Variants in SLC17A8 observed in about 807,000 individuals in gnomAD.
SLC17A8 encodes solute carrier family 17 member 8.
In SLC17A8, 31 loss-of-function variants were observed where a neutral mutation model predicts 58.0. The ratio of observed to expected loss-of-function variants is 0.53; its 90% CI spans 0.40 to 0.72. The LOEUF (loss-of-function observed/expected upper bound fraction) is 0.72. SLC17A8 is among the 30% of genes least tolerant of loss of function. The pLI, the probability that SLC17A8 is intolerant of heterozygous loss-of-function variation, is 0.00. For synonymous variants in SLC17A8, 228 were observed against 249.0 expected (o/e 0.92, Z 0.79); for missense variants, 655 against 727.8 (o/e 0.90, Z 1.15).
Position 100,396,346 on chromosome 12 carries a change from C to T in SLC17A8, c.605C>T (p.Ala202Val), listed in dbSNP as rs1367941401. The T allele has an allele frequency of 3.7e-6, 6 of 1,614,022 alleles. No individual in the cohort carries two copies. In the South Asian group the frequency reaches 6.6e-5, roughly 18 times the overall value. ...QGLVEGVTYP[A>V]CHGMWSKWAP... Reference sequence around the variant, plus strand: ...TTCTGCCAGGGTGTGACCTACCCAGCCTGCCATGGGATGTGGAGTAAGTGG... The same window carrying T: ...TTCTGCCAGGGTGTGACCTACCCAGTCTGCCATGGGATGTGGAGTAAGTGG... The change falls in exon 5 of 12, where the codon GCC (alanine) becomes GTC (valine). Residue 202 changes from alanine to valine, a missense_variant. Physicochemically the swap from Ala to Val is moderately conservative, Grantham distance 64. Transcript: ENST00000323346.
chr12:100,368,560 C>T (rs1475135475), intron 1 of SLC17A8, among the ~76,000 whole-genome samples: 1 of 152,116 alleles, frequency 6.6e-6, no homozygotes, highest in Non-Finnish European at 1.5e-5. Flanking sequence ...CTCCCTTATC[C>T]AACTTTATTA....
At position 100,357,506 on chromosome 12, in the gene SLC17A8, G is replaced by T; in HGVS notation, c.101+14G>T. The stretch of plus-strand genomic sequence containing the variant: ...AATTTTACAAAGGTAAAGTTTGAAT[G>T]CGAACTTTAGTTCCTTTCTGAGTAG... On this transcript the variant is annotated intron_variant, in intron 1 of 11. Transcript: ENST00000323346. The T allele has an allele frequency of 6.6e-7, 1 of 1,524,416 alleles. No individual in the cohort carries two copies. Among genetic ancestry groups the T allele is most frequent in the Non-Finnish European group, 9.1e-7 (1 of 1,098,138 alleles). 94.4% of individuals were successfully genotyped at this position (1,524,416 alleles called of 1,614,324 possible).
At chr12:100,418,352 G>A (rs998290598) in intron 11 of SLC17A8, among the ~76,000 whole-genome samples, 196 bp downstream of exon 11, 1 of 151,906 alleles carries the variant, frequency 6.6e-6, no homozygotes, top group Admixed American at 6.6e-5. Flanking sequence ...AAGGCTAGTT[G>A]TTGTTTTGTT....
intron 1 of SLC17A8, among the ~76,000 whole-genome samples, chr12:100,368,590 A>G (rs949102215): frequency 4.6e-5 from 7 of 152,174 alleles, no homozygotes; most frequent in African/African-American, 1.4e-4. Context: ...CTCCAAATCT[A>G]GTACATTCAG....
At chr12:100,394,360 T>C (rs548777170) in intron 4 of SLC17A8, among the ~76,000 whole-genome samples, 162 of 152,074 alleles carry the variant, frequency 1.1e-3, no homozygotes, top group African/African-American at 3.8e-3. Flanking sequence ...AATACCATCT[T>C]TGAAATCATG....
At position 100,412,839 on chromosome 12, in the gene SLC17A8, T is replaced by C. The variant is rs544187405; in HGVS notation, c.1256T>C (p.Phe419Ser). ...FSHTKGVAIS[F>S]LVLAVGFSGF... ...CATACCAAAGGGGTGGCTATCTCCT[T>C]TCTGGTACTTGCTGTAGGATTTAGT... The change falls in exon 10 of 12, where the codon TTT (phenylalanine) becomes TCT (serine). Residue 419 changes from phenylalanine to serine, a missense_variant. By Grantham distance (155) the Phe-to-Ser change is radical. Transcript: ENST00000323346. 2 of 1,614,178 alleles carry C rather than the reference T, an allele frequency of 1.2e-6. No homozygotes were observed. Among genetic ancestry groups the C allele is most frequent in the African/African-American group, 2.7e-5 (2 of 75,044 alleles).
At chr12:100,386,791 C>T (rs1005918790) in intron 2 of SLC17A8, among the ~76,000 whole-genome samples, 3 of 150,564 alleles carry the variant, frequency 2.0e-5, no homozygotes, top group South Asian at 4.2e-4. Context: ...CAGGTTCAAG[C>T]GATTCTCCTG....
chr12:100,416,924 C>G (rs1345575714), intron 10 of SLC17A8, among the ~76,000 whole-genome samples: 1 of 152,200 alleles, frequency 6.6e-6, no homozygotes, highest in Non-Finnish European at 1.5e-5. Flanking sequence ...GAACTGAGGT[C>G]TGTCTGATTT....
Position 100,420,366 on chromosome 12 carries a change from T to C in SLC17A8, c.*207T>C, listed in dbSNP as rs563968278. 103 of 547,974 alleles carry C rather than the reference T, an allele frequency of 1.9e-4. No homozygotes were observed. The highest frequency in any genetic ancestry group is 1.5e-3 in the African/African-American group (79 of 53,420). The allele number at this position is 547,974 out of a possible 1,614,324, so 33.9% of individuals were successfully genotyped here. On this transcript the variant is annotated 3_prime_UTR_variant, in exon 12 of 12. Coordinates refer to ENST00000323346, the MANE Select transcript of SLC17A8 (RefSeq NM_139319.3). Reference sequence around the variant, plus strand: ...AGTTGATAACATAGTTGATAATACATATTTTTTGAATTGACAGTTGACCCT... The same window carrying C: ...AGTTGATAACATAGTTGATAATACACATTTTTTGAATTGACAGTTGACCCT...
At chr12:100,401,276 G>A (rs532463824) in intron 5 of SLC17A8, among the ~76,000 whole-genome samples, 1 of 151,432 alleles carries the variant, frequency 6.6e-6, no homozygotes, top group Non-Finnish European at 1.5e-5. Flanking sequence ...TAGGATTACA[G>A]GTGTGAGCCA....
intron 1 of SLC17A8, among the ~76,000 whole-genome samples, chr12:100,363,792 G>A (rs1450131564): frequency 6.6e-6 from 1 of 152,070 alleles, no homozygotes; most frequent in East Asian, 1.9e-4. Context: ...TGTAATCCCA[G>A]CACTTTGGGA....
chr12:100,380,237 A>G (rs1305353966), intron 1 of SLC17A8, among the ~76,000 whole-genome samples: 11 of 149,064 alleles, frequency 7.4e-5, no homozygotes, highest in Non-Finnish European at 1.6e-4. Context: ...AGAAAGGTTA[A>G]GGTCAACTGT....
At chr12:100,388,659 C>T (rs776065224) in intron 2 of SLC17A8, among the ~76,000 whole-genome samples, 27 of 152,172 alleles carry the variant, frequency 1.8e-4, no homozygotes, top group Admixed American at 2.0e-4. Context: ...AAGCACAGGA[C>T]GAACGTTGAA....
chr12:100,387,178 C>T (rs564250516), intron 2 of SLC17A8, among the ~76,000 whole-genome samples: 1 of 152,298 alleles, frequency 6.6e-6, no homozygotes, highest in East Asian at 1.9e-4. Context: ...TTGGAGGAAC[C>T]TCTGTACTGT....
intron 1 of SLC17A8, among the ~76,000 whole-genome samples, chr12:100,375,044 C>G (rs543259049): frequency 6.6e-6 from 1 of 151,640 alleles, no homozygotes; most frequent in South Asian, 2.1e-4. Flanking sequence ...TCTGGAAAGT[C>G]TCGGGATGTC....
chr12:100,361,466 A>G (rs894886894), intron 1 of SLC17A8, among the ~76,000 whole-genome samples: 30 of 152,000 alleles, frequency 2.0e-4, no homozygotes, highest in African/African-American at 6.3e-4. Context: ...AAAGATCCCC[A>G]CTTTCCTGGC....
intron 2 of SLC17A8, among the ~76,000 whole-genome samples, chr12:100,384,564 TAAAC>T (rs372874726): frequency 7.2e-5 from 11 of 152,086 alleles, no homozygotes; most frequent in Admixed American, 1.3e-4. Flanking sequence ...AGACTCCATC[TAAAC>T]AAACAAACAA....
At chr12:100,394,399 T>C (rs954442043) in intron 4 of SLC17A8, among the ~76,000 whole-genome samples, 1 of 58,942 alleles carries the variant, frequency 1.7e-5, no homozygotes, top group Admixed American at 1.5e-4. Flanking sequence ...CATCTTTTCC[T>C]TTTTTTTTTT....
chr12:100,390,906 A>G, intron 2 of SLC17A8, 95 bp from the exon 3 acceptor site: 1 of 830,966 alleles, frequency 1.2e-6, no homozygotes, highest in Non-Finnish European at 2.1e-6. Context: ...AAAAAGAAAG[A>G]CCTCATGAGG....
Sources: gnomAD v4.1 joint callset for allele counts (sites outside exome capture counted in the v4.1 genomes callset) on GRCh38, gnomAD v4.1.1 for gene constraint, MANE v1.5 for transcripts, NCBI Gene and HGNC (gene_info 2026-07-23, HGNC 2026-07-21) for gene names.